TENM2: variants seen among roughly 807,000 people sequenced by gnomAD.
The protein encoded by TENM2 is teneurin transmembrane protein 2.
Under a neutral mutation model 245.2 loss-of-function variants are expected in TENM2, and 52 were observed. The ratio of observed to expected loss-of-function variants is 0.21; its 90% confidence interval spans 0.17 to 0.27. TENM2 has a LOEUF of 0.27. Among genes scored for constraint, TENM2 ranks in the 10% least tolerant of loss-of-function variants. The pLI, the probability that TENM2 is intolerant of heterozygous loss-of-function variation, is 1.00. For missense variants in TENM2, 3,046 were observed against 3,666.8 expected, an observed-to-expected ratio of 0.83 and a Z score of 4.37; for synonymous variants, 1,363 against 1,438.9, an observed-to-expected ratio of 0.95 and a Z score of 1.19.
At chr5:167,830,318 T>C (rs1768358681) in intron 2 of TENM2, among the ~76,000 whole-genome samples, 1 of 152,106 alleles carries the variant, frequency 6.6e-6, no homozygotes, top group Non-Finnish European at 1.5e-5. Flanking sequence ...CTTGATAATG[T>C]TTTTTTATCA....
At chr5:166,996,066 G>A in the TENM2 span, among the ~76,000 whole-genome samples, 1 of 152,054 alleles carries the variant, frequency 6.6e-6, no homozygotes, top group Non-Finnish European at 1.5e-5. Flanking sequence ...ATTTTTGGCT[G>A]GGCGCAGTGA....
chr5:167,709,905 C>T (rs1250429569), intron 2 of TENM2, among the ~76,000 whole-genome samples: 1 of 152,070 alleles, frequency 6.6e-6, no homozygotes, highest in East Asian at 1.9e-4. Flanking sequence ...ACTTGATCAA[C>T]CATCTACATT....
chr5:167,129,924 A>T, the TENM2 span, among the ~76,000 whole-genome samples: 1 of 152,180 alleles, frequency 6.6e-6, no homozygotes, highest in East Asian at 1.9e-4. Flanking sequence ...GCTGGAGTTC[A>T]TAAAAGGCAG....
chr5:167,756,294 T>A (rs1762307731), intron 2 of TENM2, among the ~76,000 whole-genome samples: 2 of 152,160 alleles, frequency 1.3e-5, no homozygotes, highest in African/African-American at 2.4e-5. Context: ...TGATGCAGAA[T>A]GAGTTTAATT....
intron 2 of TENM2, among the ~76,000 whole-genome samples, chr5:167,859,706 GC>G (rs1771527712): frequency 9.7e-6 from 1 of 102,608 alleles, no homozygotes; most frequent in African/African-American, 4.7e-5. Context: ...CCTCTGCCCG[GC>G]CAGCCGCCCC....
chr5:168,169,089 G>A (rs1307877475), intron 13 of TENM2, among the ~76,000 whole-genome samples: 1 of 152,124 alleles, frequency 6.6e-6, no homozygotes, highest in Non-Finnish European at 1.5e-5. Flanking sequence ...CTTATTAGAC[G>A]GCAATAGTTC....
chr5:167,891,129 G>T (rs1774722300), intron 3 of TENM2, among the ~76,000 whole-genome samples: 1 of 152,066 alleles, frequency 6.6e-6, no homozygotes, highest in African/African-American at 2.4e-5. Flanking sequence ...AAAAAAATAG[G>T]TTGTTTACTT....
intron 2 of TENM2, among the ~76,000 whole-genome samples, chr5:167,780,219 G>A (rs1229818028): frequency 6.6e-6 from 1 of 152,170 alleles, no homozygotes; most frequent in Admixed American, 6.5e-5. Flanking sequence ...CTTCATAACA[G>A]TCGATCCTTG....
the TENM2 span, among the ~76,000 whole-genome samples, chr5:167,100,846 C>G: frequency 1.3e-5 from 2 of 152,146 alleles, no homozygotes; most frequent in Admixed American, 1.3e-4. Context: ...GACTCAGAAT[C>G]TGAATCAGAG....
chr5:168,132,008 TC>T (rs989370734), intron 12 of TENM2, among the ~76,000 whole-genome samples: 27 of 152,132 alleles, frequency 1.8e-4, no homozygotes, highest in African/African-American at 6.5e-4. Context: ...CAAAAGCTGT[TC>T]CATTGCTGAT....
At chr5:168,115,390 AAGGAAGGAAGG>A (rs1430237388) in intron 9 of TENM2, among the ~76,000 whole-genome samples, 19 of 114,736 alleles carry the variant, frequency 1.7e-4, no homozygotes, top group African/African-American at 4.5e-4. Context: ...GGAAGGAAGG[AAGGAAGGAAGG>A]AAGGAAGGGA....
At chr5:168,152,474 C>T (rs931267086) in intron 12 of TENM2, among the ~76,000 whole-genome samples, 13 of 152,298 alleles carry the variant, frequency 8.5e-5, no homozygotes, top group African/African-American at 2.9e-4. Flanking sequence ...CAGGCCTCCT[C>T]GGTGTTATTT....
At chr5:167,345,843 T>G (rs10072690) in intron 1 of TENM2, among the ~76,000 whole-genome samples, 182 of 145,488 alleles carry the variant, frequency 1.3e-3, no homozygotes, top group African/African-American at 4.3e-3. Context: ...TATCTCTGAA[T>G]ATAATCTGAT....
At chr5:167,650,480 G>A (rs1754382183) in intron 2 of TENM2, among the ~76,000 whole-genome samples, 1 of 152,118 alleles carries the variant, frequency 6.6e-6, no homozygotes, top group Non-Finnish European at 1.5e-5. Flanking sequence ...ACCTTTGAAA[G>A]GTTGTTAGAA....
rs78254015 is a variant in TENM2, at chr5:167,751,052, A to G, written c.503-124934A>G. 4.6e-3 allele frequency among the ~76,000 whole-genome samples: 702 copies of G among 152,290 alleles called. 4 individuals are homozygous for G. Among genetic ancestry groups the G allele is most frequent in the African/African-American group, 0.016 (671 of 41,566 alleles). The stretch of plus-strand genomic sequence containing the variant: ...TAGCCACAGGGAGGGAGAGGAGTGT[A>G]TGTGAACTGGGAGGAAAAATGATGT... On this transcript the variant is annotated intron_variant, in intron 2 of 28. Coordinates refer to ENST00000518659, the Ensembl canonical transcript of TENM2.
At chr5:167,620,549 C>CTTTTTTTTTTTTTT (rs11455974) in intron 2 of TENM2, among the ~76,000 whole-genome samples, 27 of 73,308 alleles carry the variant, frequency 3.7e-4, no homozygotes, top group Non-Finnish European at 5.5e-4. Context: ...TGCTTTTTGG[C>CTTTTTTTTTTTTTT]TTTTTTTTTT....
At chr5:168,189,949 C>T (rs980131505) in intron 13 of TENM2, among the ~76,000 whole-genome samples, 3 of 152,036 alleles carry the variant, frequency 2.0e-5, no homozygotes, top group East Asian at 1.9e-4. Context: ...CCCATTAGCA[C>T]GGACCCCTGG....
At chr5:167,781,150 A>C (rs1764161921) in intron 2 of TENM2, among the ~76,000 whole-genome samples, 1 of 152,106 alleles carries the variant, frequency 6.6e-6, no homozygotes, top group African/African-American at 2.4e-5. Context: ...ATCTTTACAA[A>C]AAATGCACAT....
At chr5:168,201,493 C>T (rs1262863983) in intron 17 of TENM2, among the ~76,000 whole-genome samples, 1 of 152,050 alleles carries the variant, frequency 6.6e-6, no homozygotes, top group Admixed American at 6.6e-5. Flanking sequence ...CCCCCGTCTA[C>T]TCCCCTTTCT....
Sources: allele counts gnomAD v4.1 joint callset (sites outside exome capture counted in the v4.1 genomes callset), GRCh38; gene constraint gnomAD v4.1.1; transcripts MANE v1.5; gene names NCBI Gene and HGNC (gene_info 2026-07-23, HGNC 2026-07-21).